ITSN1: variants seen among roughly 807,000 people sequenced by gnomAD.
The protein encoded by ITSN1 is intersectin 1, also known as intersectin-1.
ITSN1 carries 58 observed loss-of-function variants against 239.8 expected under a neutral mutation model. The observed-to-expected ratio is 0.24, with a 90% CI of 0.20 to 0.30. The LOEUF is 0.30. ITSN1 is among the 10% of genes least tolerant of loss of function. The probability of loss-of-function intolerance (pLI) is 1.00; values close to 1 mark genes in which losing one functional copy is unlikely to be tolerated. For synonymous variants in ITSN1, 780 were observed against 770.8 expected, an observed-to-expected ratio of 1.01 and a Z score of -0.20; for missense variants, 1,558 against 2,103.3, an observed-to-expected ratio of 0.74 and a Z score of 5.07.
At chr21:33,740,706 A>T (rs1400313489) in intron 5 of ITSN1, among the ~76,000 whole-genome samples, 1 of 152,138 alleles carries the variant, frequency 6.6e-6, no homozygotes, top group Non-Finnish European at 1.5e-5. Context: ...TTTATTTAGA[A>T]AGTCATTCAT....
intron 33 of ITSN1, 103 bp downstream of exon 33, chr21:33,867,434 T>A: frequency 1.4e-6 from 1 of 728,926 alleles, no homozygotes; most frequent in Non-Finnish European, 2.5e-6. Context: ...TGGTAACTGT[T>A]GTGTAGAAAG....
chr21:33,874,453 CA>C, intron 33 of ITSN1, among the ~76,000 whole-genome samples: 1 of 152,120 alleles, frequency 6.6e-6, no homozygotes, highest in Non-Finnish European at 1.5e-5. Context: ...CCTCCAAGGG[CA>C]CCTGTTGGCT....
chr21:33,787,124 G>T (rs1158133622), intron 16 of ITSN1, among the ~76,000 whole-genome samples: 3 of 152,186 alleles, frequency 2.0e-5, no homozygotes, highest in African/African-American at 7.2e-5. Flanking sequence ...CGAGTTGCGT[G>T]TGTGTATGGT....
rs933749030 is a variant in ITSN1, at chr21:33,838,406, T to C, written c.3661+1774T>C. The C allele has an allele frequency of 9.2e-6, 9 of 983,152 alleles. No homozygotes were observed. In the African/African-American group the frequency reaches 1.4e-4, roughly 15 times the overall value. 60.9% of individuals were successfully genotyped at this position (983,152 alleles called of 1,614,324 possible). A position where few individuals can be genotyped will look rare whatever the true frequency, so the allele number is the denominator to read the frequency against. On this transcript the variant is annotated intron_variant, in intron 29 of 39. Transcript: ENST00000381318. ...TTTTCACGGATATGAATGTAAAATA[T>C]ATAAATATATAAACCTGCGGCTTTA...
intron 5 of ITSN1, among the ~76,000 whole-genome samples, chr21:33,749,431 T>G (rs949544050): frequency 6.6e-6 from 1 of 152,034 alleles, no homozygotes; most frequent in Non-Finnish European, 1.5e-5. Flanking sequence ...TCACCTGAGG[T>G]CAGGAGTTTG....
chr21:33,795,173 A>G (rs1008846026), intron 17 of ITSN1, among the ~76,000 whole-genome samples: 1 of 152,214 alleles, frequency 6.6e-6, no homozygotes, highest in Non-Finnish European at 1.5e-5. Flanking sequence ...GATTAAGGCC[A>G]GGCATGGTGG....
chr21:33,687,138 C>T (rs1255885286), intron 1 of ITSN1, among the ~76,000 whole-genome samples: 1 of 151,964 alleles, frequency 6.6e-6, no homozygotes, highest in Admixed American at 6.6e-5. Flanking sequence ...TTGAGACCAG[C>T]CTGGCCAAAA....
intron 16 of ITSN1, among the ~76,000 whole-genome samples, chr21:33,790,941 A>T (rs1244303126): frequency 1.3e-5 from 2 of 152,204 alleles, no homozygotes; most frequent in African/African-American, 4.8e-5. Context: ...AATAGTATGG[A>T]GAAGAATGAG....
At chr21:33,833,554 C>T (rs899921199) in intron 27 of ITSN1, among the ~76,000 whole-genome samples, 7 of 152,320 alleles carry the variant, frequency 4.6e-5, no homozygotes, top group African/African-American at 1.2e-4. Flanking sequence ...CATAAATGCA[C>T]AGGGCCTGGC....
intron 1 of ITSN1, among the ~76,000 whole-genome samples, chr21:33,682,475 A>G (rs1231337065): frequency 1.3e-5 from 2 of 151,954 alleles, no homozygotes; most frequent in African/African-American, 4.8e-5. Flanking sequence ...TCGGCCTCCC[A>G]AAGTGCAGGG....
chr21:33,645,628 C>T (rs573637968), intron 1 of ITSN1, among the ~76,000 whole-genome samples: 22 of 152,078 alleles, frequency 1.4e-4, no homozygotes, highest in South Asian at 4.2e-4. Context: ...CTAGCCTGGG[C>T]GACAGAGAGA....
At chr21:33,852,496 T>G (rs937609111) in intron 29 of ITSN1, among the ~76,000 whole-genome samples, 2 of 152,206 alleles carry the variant, frequency 1.3e-5, no homozygotes, top group Admixed American at 1.3e-4. Context: ...CATACAAATA[T>G]CAGTTGAGGG....
chr21:33,883,446 C>A lies in ITSN1; in HGVS notation c.4555-104C>A, dbSNP rs893208198. 7.4e-6 allele frequency: 11 copies of A among 1,488,288 alleles called. No homozygotes were observed. The Admixed American group carries it at 1.0e-4, about 14-fold the overall frequency. 92.2% of individuals were successfully genotyped at this position (1,488,288 alleles called of 1,614,324 possible). A position where few individuals can be genotyped will look rare whatever the true frequency, so the allele number is the denominator to read the frequency against. On this transcript the variant is annotated intron_variant, in intron 35 of 39. Coordinates refer to ENST00000381318, the MANE Select transcript of ITSN1 (RefSeq NM_003024.3). ...GCACACACGCGCTGACTTGCAGTCT[C>A]GTTTACTAGAACACATTGGCATAAG...
intron 31 of ITSN1, among the ~76,000 whole-genome samples, 164 bp from the exon 32 acceptor site, chr21:33,864,987 C>G (rs1981308715): frequency 6.6e-6 from 1 of 152,124 alleles, no homozygotes; most frequent in Admixed American, 6.5e-5. Flanking sequence ...TCTCTGTAGC[C>G]CTAGACTCAT....
Position 33,890,327 on chromosome 21 carries a change from TC to T in ITSN1, c.*2028del, listed in dbSNP as rs545564971. 3.0e-4 allele frequency: 45 copies of T among 152,374 alleles called. No homozygotes were observed. Among genetic ancestry groups the T allele is most frequent in the African/African-American group, 1.0e-3 (43 of 41,586 alleles). The allele number at this position is 152,374 out of a possible 1,614,324, so 9.4% of individuals were successfully genotyped here. A position where few individuals can be genotyped will look rare whatever the true frequency, so the allele number is the denominator to read the frequency against. On this transcript the variant is annotated 3_prime_UTR_variant, in exon 40 of 40. Transcript: ENST00000381318. Reference sequence around the variant, plus strand: ...TCTTTTTGTTTTCTGTCCTGTCTTTTCTTCATTGACTTTATTTGCGTGTTAA... The same window carrying T: ...TCTTTTTGTTTTCTGTCCTGTCTTTTTTCATTGACTTTATTTGCGTGTTAA...
chr21:33,863,277 T>C (rs1246089346), intron 31 of ITSN1, among the ~76,000 whole-genome samples: 2 of 152,250 alleles, frequency 1.3e-5, no homozygotes, highest in Admixed American at 6.5e-5. Flanking sequence ...ACCCAGGAAC[T>C]AATTCCTCAA....
At chr21:33,805,009 T>C (rs2072302028) in intron 20 of ITSN1, among the ~76,000 whole-genome samples, 1 of 152,236 alleles carries the variant, frequency 6.6e-6, no homozygotes. Flanking sequence ...GGTACAGGCC[T>C]GAATGCATCC....
Position 33,647,646 on chromosome 21 carries a change from C to G in ITSN1, c.-33+4933C>G, listed in dbSNP as rs1192413312. On this transcript the variant is annotated intron_variant, in intron 1 of 39. Transcript: ENST00000381318. The stretch of plus-strand genomic sequence containing the variant: ...GATTAACTGGGATTACACATGCCTG[C>G]CACCATGCCTGGCTAATGTTTGTAT... Among the ~76,000 whole-genome samples, 3 of 152,080 alleles carry G rather than the reference C, an allele frequency of 2.0e-5. No homozygotes were observed. The East Asian group carries it at 5.8e-4, about 29-fold the overall frequency.
At chr21:33,752,624 A>G (rs766263754) in intron 7 of ITSN1, among the ~76,000 whole-genome samples, 9 of 152,178 alleles carry the variant, frequency 5.9e-5, no homozygotes, top group Admixed American at 1.3e-4. Flanking sequence ...GGTGGCTCAC[A>G]CCTGTAATCC....
Sources: allele counts gnomAD v4.1 joint callset (sites outside exome capture counted in the v4.1 genomes callset), GRCh38; gene constraint gnomAD v4.1.1; transcripts MANE v1.5; gene names NCBI Gene and HGNC (gene_info 2026-07-23, HGNC 2026-07-21).